The following PCDHA1 variants were observed in gnomAD, a reference collection of about 807,000 sequenced individuals.
PCDHA1 encodes protocadherin alpha 1.
In PCDHA1, 42 loss-of-function variants were observed where a neutral mutation model predicts 61.3. That is an observed-to-expected ratio of 0.69 (90% CI 0.54 to 0.89). PCDHA1 has a LOEUF of 0.89. Among genes scored for constraint, PCDHA1 ranks in the 40% least tolerant of loss-of-function variants. The pLI, the probability that PCDHA1 is intolerant of heterozygous loss-of-function variation, is 0.00. For synonymous variants in PCDHA1, 610 were observed against 553.8 expected (o/e 1.10, Z -1.43); for missense variants, 1,256 against 1,235.3 (o/e 1.02, Z -0.25).
At chr5:140,828,934 T>G in intron 1 of PCDHA1, 1 of 1,614,266 alleles carries the variant, frequency 6.2e-7, no homozygotes, top group Non-Finnish European at 8.5e-7. Context: ...CATATTCTTT[T>G]AATAGCCTTG....
At chr5:140,863,774 G>A (rs1581698877) in intron 1 of PCDHA1, 2 of 239,304 alleles carry the variant, frequency 8.4e-6, no homozygotes, top group African/African-American at 2.2e-5. Context: ...CGAGGCGGGC[G>A]GATCACTCGA....
chr5:140,918,660 A>G (rs1490487097), intron 1 of PCDHA1, among the ~76,000 whole-genome samples: 1 of 152,200 alleles, frequency 6.6e-6, no homozygotes, highest in Non-Finnish European at 1.5e-5. Context: ...TCTCATGTTG[A>G]TGGTATGAAG....
chr5:140,819,134 G>T (rs1215831238), intron 1 of PCDHA1, among the ~76,000 whole-genome samples: 1 of 152,060 alleles, frequency 6.6e-6, no homozygotes, highest in East Asian at 1.9e-4. Context: ...CCTTATAATA[G>T]AATAAATTAA....
At chr5:140,832,794 G>C (rs1057104170) in intron 1 of PCDHA1, among the ~76,000 whole-genome samples, 10 of 152,192 alleles carry the variant, frequency 6.6e-5, no homozygotes, top group Admixed American at 4.6e-4. Context: ...GTACATCATA[G>C]TGTTATTGGA....
chr5:140,983,807 G>T (rs1158459034), intron 3 of PCDHA1, among the ~76,000 whole-genome samples: 1 of 152,100 alleles, frequency 6.6e-6, no homozygotes, highest in African/African-American at 2.4e-5. Context: ...TGTGTAAAAG[G>T]TTTTTTCCCA....
chr5:140,823,434 C>A (rs2150125798), intron 1 of PCDHA1: 11 of 1,613,238 alleles, frequency 6.8e-6, no homozygotes, highest in Non-Finnish European at 9.3e-6. Context: ...TGCAGGTGTT[C>A]GTGCTGGACG....
chr5:140,956,137 A>C (rs374405911), intron 1 of PCDHA1, among the ~76,000 whole-genome samples: 1 of 152,114 alleles, frequency 6.6e-6, no homozygotes. Flanking sequence ...AATACCCTTT[A>C]TTTCTTTCTC....
intron 1 of PCDHA1, chr5:140,797,110 C>T: frequency 1.2e-6 from 2 of 1,614,016 alleles, no homozygotes; most frequent in Non-Finnish European, 8.5e-7. Flanking sequence ...GCTCACGGTG[C>T]TGCTGTACAC....
Position 141,011,633 on chromosome 5 carries a change from G to C in PCDHA1, c.*1696G>C, listed in dbSNP as rs988824031. On this transcript the variant is annotated 3_prime_UTR_variant, in exon 4 of 4. Coordinates refer to ENST00000504120, the MANE Select transcript of PCDHA1 (RefSeq NM_018900.4). ...TTATGGTCCAGCCAAGAGCCATCTC[G>C]TGCCAAGACTTCTGCTGGCAAGGGA... 6.5e-6 allele frequency: 1 copy of C among 153,624 alleles called. No homozygotes were observed. Among genetic ancestry groups the C allele is most frequent in the Non-Finnish European group, 1.5e-5 (1 of 68,022 alleles). 9.5% of individuals were successfully genotyped at this position (153,624 alleles called of 1,614,324 possible). A position where few individuals can be genotyped will look rare whatever the true frequency, so the allele number is the denominator to read the frequency against.
chr5:140,813,370 T>G (rs2126646092), intron 1 of PCDHA1: 1 of 152,336 alleles, frequency 6.6e-6, no homozygotes, highest in East Asian at 1.9e-4. Context: ...ACTACAGACC[T>G]AGGTTACATG....
chr5:140,788,599 T>C lies in PCDHA1; in HGVS notation c.2309T>C (p.Met770Thr), dbSNP rs944090998. Residue 770 changes from methionine (M) to threonine (T), a missense_variant, in exon 1 of 4, where the codon ATG (methionine) becomes ACG (threonine). Physicochemically the swap from Met to Thr is moderately conservative, Grantham distance 81 (BLOSUM62 -1). Transcript: ENST00000504120. The part of the protein sequence containing the change: ...SSEGPPKTDL[M>T]AFSPGLSPSL... ...GAGGGCCCACCCAAGACCGACCTCA[T>C]GGCCTTCAGCCCAGGCCTATCTCCA... The C allele has an allele frequency of 2.5e-6, 4 of 1,614,214 alleles. No individual in the cohort carries two copies. Among genetic ancestry groups the C allele is most frequent in the African/African-American group, 2.7e-5 (2 of 75,084 alleles).
rs2150248878 is a variant in PCDHA1 at position 140,835,949 on chromosome 5, G to A, written c.2394+47265G>A. The A allele has an allele frequency of 3.1e-6, 5 of 1,612,866 alleles. No individual in the cohort carries two copies. In the South Asian group the frequency reaches 3.3e-5, roughly 11 times the overall value. On this transcript the variant is annotated intron_variant, in intron 1 of 3. Coordinates refer to ENST00000504120, the MANE Select transcript of PCDHA1 (RefSeq NM_018900.4). ...GCGGCAAGGTGTACGCGCTGCAGCCGTTGGACCACGAGGAGCTGGAGCTGT... is the reference window on the plus strand; with the variant it reads ...GCGGCAAGGTGTACGCGCTGCAGCCATTGGACCACGAGGAGCTGGAGCTGT...
At chr5:140,802,830 C>T in intron 1 of PCDHA1, 3 of 1,613,688 alleles carry the variant, frequency 1.9e-6, no homozygotes, top group Non-Finnish European at 2.5e-6. Flanking sequence ...CGTGCCGCCT[C>T]TGGGCAGCAA....
intron 1 of PCDHA1, among the ~76,000 whole-genome samples, chr5:140,907,643 A>C (rs2073513749): frequency 6.6e-6 from 1 of 152,208 alleles, no homozygotes; most frequent in African/African-American, 2.4e-5. Flanking sequence ...GCTGCTGGCA[A>C]ATTGGGCACT....
In PCDHA1 at chr5:140,843,066, C is replaced by G. The variant is rs2150351563; in HGVS notation, c.2394+54382C>G. 18 of 1,595,216 alleles carry G rather than the reference C, an allele frequency of 1.1e-5. 2 individuals are homozygous for G. Among genetic ancestry groups the G allele is most frequent in the East Asian group, 4.5e-5 (2 of 44,812 alleles). On this transcript the variant is annotated intron_variant, in intron 1 of 3. Coordinates refer to ENST00000504120, the MANE Select transcript of PCDHA1 (RefSeq NM_018900.4). ...GGTGGCGCAGCGAGCAAGCTGGTGC[C>G]GCGGTCTGTGGGCGCGGGCCACGTG...
At chr5:140,823,690 A>G in intron 1 of PCDHA1, 2 of 1,613,904 alleles carry the variant, frequency 1.2e-6, no homozygotes, top group South Asian at 2.2e-5. Context: ...TCTGGATGAG[A>G]CCGAAGCACC....
chr5:140,824,284 T>C lies in PCDHA1; in HGVS notation c.2394+35600T>C, dbSNP rs1581808951. ...TAATTCATGTATTATATGCTTTTTA[T>C]GAGGCTTTTCTGCTGGGGTAATAGA... On this transcript the variant is annotated intron_variant, in intron 1 of 3. Transcript: ENST00000504120. The C allele has an allele frequency of 6.5e-6, 7 of 1,072,766 alleles. No homozygotes were observed. The East Asian group carries it at 9.5e-5, about 15-fold the overall frequency. 66.5% of individuals were successfully genotyped at this position (1,072,766 alleles called of 1,614,324 possible). A position where few individuals can be genotyped will look rare whatever the true frequency, so the allele number is the denominator to read the frequency against.
intron 1 of PCDHA1, chr5:140,869,092 A>G (rs782192400): frequency 1.7e-5 from 27 of 1,591,278 alleles, no homozygotes; most frequent in Non-Finnish European, 2.1e-5. Flanking sequence ...TTGGAAGCCA[A>G]TTTCGTATGC....
At chr5:140,920,910 A>C (rs2153559145) in intron 1 of PCDHA1, among the ~76,000 whole-genome samples, 1 of 151,920 alleles carries the variant, frequency 6.6e-6, no homozygotes, top group East Asian at 1.9e-4. Context: ...TTCTCAAATC[A>C]GTTCCAAGAG....
Sources: gnomAD v4.1 joint callset for allele counts (sites outside exome capture counted in the v4.1 genomes callset) on GRCh38, gnomAD v4.1.1 for gene constraint, MANE v1.5 for transcripts, NCBI Gene and HGNC (gene_info 2026-07-23, HGNC 2026-07-21) for gene names.